Variants in LRRC4C observed in about 807,000 individuals in gnomAD.
LRRC4C encodes the protein leucine-rich repeat-containing protein 4C.
A neutral mutation model predicts 33.6 loss-of-function variants in LRRC4C; 5 were observed. The observed-to-expected ratio is 0.15, with a 90% CI of 0.08 to 0.31. The LOEUF is 0.31. Ranked by LOEUF, LRRC4C falls within the 10% of genes least tolerant of loss-of-function variation. The probability of loss-of-function intolerance (pLI) is 1.00; values close to 1 mark genes in which losing one functional copy is unlikely to be tolerated. For synonymous variants in LRRC4C, 329 were observed against 302.0 expected (o/e 1.09, Z -0.93); for missense variants, 560 against 796.7 (o/e 0.70, Z 3.58).
chr11:40,364,752 C>T (rs76780061), intron 3 of LRRC4C, among the ~76,000 whole-genome samples: 3,931 of 152,000 alleles, frequency 0.026, 159 homozygotes, highest in African/African-American at 0.088. Flanking sequence ...AAAAAGCCCA[C>T]CATAATTATA....
intron 1 of LRRC4C, among the ~76,000 whole-genome samples, chr11:41,437,416 C>T (rs554617651): frequency 6.7e-4 from 76 of 112,892 alleles, no homozygotes; most frequent in African/African-American, 2.2e-3. Context: ...CACAAACGCG[C>T]GCGCGCGCGC....
At chr11:41,094,644 T>G (rs1208800490) in intron 1 of LRRC4C, among the ~76,000 whole-genome samples, 1 of 152,226 alleles carries the variant, frequency 6.6e-6, no homozygotes, top group Non-Finnish European at 1.5e-5. Context: ...TAATACTCAC[T>G]GTTCTTATCA....
At chr11:40,896,684 T>A (rs752418026) in intron 2 of LRRC4C, among the ~76,000 whole-genome samples, 1 of 151,954 alleles carries the variant, frequency 6.6e-6, no homozygotes, top group Non-Finnish European at 1.5e-5. Flanking sequence ...TAATATATGC[T>A]ATATATGTAT....
At chr11:40,992,417 A>C (rs1377837861) in intron 1 of LRRC4C, among the ~76,000 whole-genome samples, 2 of 147,288 alleles carry the variant, frequency 1.4e-5, no homozygotes, top group African/African-American at 4.9e-5. Context: ...ATAAAAACAA[A>C]AGCATAAACA....
At chr11:41,222,123 G>A (rs951387022) in intron 1 of LRRC4C, among the ~76,000 whole-genome samples, 1 of 152,174 alleles carries the variant, frequency 6.6e-6, no homozygotes, top group Non-Finnish European at 1.5e-5. Flanking sequence ...CTAGCAACAA[G>A]AGACAAAAAC....
chr11:40,500,685 C>T lies in LRRC4C; in HGVS notation c.-270+147457G>A, dbSNP rs569561381. Among the ~76,000 whole-genome samples the T allele has an allele frequency of 1.1e-3, 168 of 152,178 alleles. 1 individual carries two copies. Among genetic ancestry groups the T allele is most frequent in the African/African-American group, 4.0e-3 (164 of 41,506 alleles). On this transcript the variant is annotated intron_variant, in intron 3 of 6. Coordinates refer to ENST00000528697, the MANE Select transcript of LRRC4C (RefSeq NM_001258419.2). Reference sequence around the variant, plus strand: ...CCCCGATAGTTCAATTATCTCCCACCAGGTCCCTTCCACAACACATGGAAA... The same window carrying T: ...CCCCGATAGTTCAATTATCTCCCACTAGGTCCCTTCCACAACACATGGAAA...
At chr11:40,965,995 C>T (rs1487256008) in intron 1 of LRRC4C, among the ~76,000 whole-genome samples, 4 of 152,016 alleles carry the variant, frequency 2.6e-5, no homozygotes, top group Non-Finnish European at 2.9e-5. Context: ...TTCTTCCTAC[C>T]CATGAGCATG....
intron 4 of LRRC4C, among the ~76,000 whole-genome samples, chr11:40,296,788 T>C (rs1944537524): frequency 6.6e-6 from 1 of 152,078 alleles, no homozygotes; most frequent in Admixed American, 6.6e-5. Context: ...AATGACAGAG[T>C]ATGTGTTCAA....
chr11:40,536,265 C>T (rs1397828691), intron 3 of LRRC4C, among the ~76,000 whole-genome samples: 1 of 152,108 alleles, frequency 6.6e-6, no homozygotes, highest in Admixed American at 6.6e-5. Flanking sequence ...GTGATCTCAG[C>T]TCACTGCAAC....
intron 2 of LRRC4C, among the ~76,000 whole-genome samples, chr11:40,739,029 A>ATGTGTG (rs746979119): frequency 9.2e-4 from 126 of 137,318 alleles, no homozygotes; most frequent in Admixed American, 2.8e-3. Context: ...GTGTGTGTGT[A>ATGTGTG]TGTGTGTGTG....
chr11:41,023,840 A>G (rs910859549), intron 1 of LRRC4C, among the ~76,000 whole-genome samples: 4 of 151,736 alleles, frequency 2.6e-5, no homozygotes, highest in Non-Finnish European at 5.9e-5. Flanking sequence ...TGAGCAGCAG[A>G]AAAAAACAAA....
chr11:41,321,300 C>T (rs1950952789), intron 1 of LRRC4C, among the ~76,000 whole-genome samples: 1 of 151,900 alleles, frequency 6.6e-6, no homozygotes, highest in African/African-American at 2.4e-5. Context: ...TTTTGCCTTC[C>T]ACAGTAATTA....
chr11:40,574,446 G>A (rs993975982), intron 3 of LRRC4C, among the ~76,000 whole-genome samples: 1 of 152,134 alleles, frequency 6.6e-6, no homozygotes, highest in East Asian at 1.9e-4. Flanking sequence ...ATCTATAGGC[G>A]ATATCAGGAA....
intron 5 of LRRC4C, among the ~76,000 whole-genome samples, chr11:40,178,134 G>A (rs1860670119): frequency 2.0e-5 from 3 of 152,152 alleles, no homozygotes; most frequent in South Asian, 4.1e-4. Flanking sequence ...AGGCCGCCAC[G>A]ACATCTTATT....
At chr11:41,049,142 G>A (rs1317853860) in intron 1 of LRRC4C, among the ~76,000 whole-genome samples, 9 of 152,158 alleles carry the variant, frequency 5.9e-5, no homozygotes, top group African/African-American at 1.4e-4. Flanking sequence ...TAATTCCCAC[G>A]TATTGTGGGA....
At chr11:40,872,193 T>C (rs1009131733) in intron 2 of LRRC4C, among the ~76,000 whole-genome samples, 1 of 152,144 alleles carries the variant, frequency 6.6e-6, no homozygotes, top group Non-Finnish European at 1.5e-5. Context: ...GATACCCATG[T>C]CCAGCTCCCC....
At chr11:40,129,607 T>C (rs954606648) in intron 6 of LRRC4C, among the ~76,000 whole-genome samples, 2 of 152,218 alleles carry the variant, frequency 1.3e-5, no homozygotes, top group Admixed American at 6.5e-5. Context: ...TTCAGGTCAC[T>C]GCATTGGATC....
intron 3 of LRRC4C, among the ~76,000 whole-genome samples, chr11:40,619,971 A>T (rs1182626448): frequency 6.7e-6 from 1 of 149,486 alleles, no homozygotes; most frequent in Admixed American, 6.8e-5. Flanking sequence ...TGCACTGTTG[A>T]GTGTGTTAGC....
At chr11:40,738,001 T>C (rs1564995767) in intron 2 of LRRC4C, among the ~76,000 whole-genome samples, 1 of 152,150 alleles carries the variant, frequency 6.6e-6, no homozygotes. Flanking sequence ...CAAAACAGCA[T>C]GGTACTGGTA....
Sources: allele counts gnomAD v4.1 joint callset (sites outside exome capture counted in the v4.1 genomes callset), GRCh38; gene constraint gnomAD v4.1.1; transcripts MANE v1.5; gene names NCBI Gene and HGNC (gene_info 2026-07-23, HGNC 2026-07-21).